Variants in DPYD observed in about 807,000 individuals in gnomAD.
The protein encoded by DPYD is dihydropyrimidine dehydrogenase [NADP(+)].
Under a neutral mutation model 116.2 loss-of-function variants are expected in DPYD, and 109 were observed. That is an observed-to-expected ratio of 0.94 (90% CI 0.80 to 1.10). The LOEUF is 1.10. DPYD is among the 50% of genes least tolerant of loss of function. DPYD has a pLI of 0.00. For missense variants in DPYD, 1,302 were observed against 1,254.5 expected (o/e 1.04, Z -0.57); for synonymous variants, 440 against 432.0 (o/e 1.02, Z -0.23).
At chr1:97,080,484 G>A (rs867365168) in intron 22 of DPYD, among the ~76,000 whole-genome samples, 7 of 152,052 alleles carry the variant, frequency 4.6e-5, no homozygotes, top group African/African-American at 1.2e-4. Flanking sequence ...AATCATGATA[G>A]TTGCTTAATA....
chr1:97,761,278 C>T (rs1333720), intron 3 of DPYD, among the ~76,000 whole-genome samples: 148,524 of 152,212 alleles, frequency 0.98, 72,586 homozygotes, highest in Middle Eastern at 1. Context: ...CTGCCAATTA[C>T]AAGAAACAAA....
chr1:97,188,313 C>A (rs970877010), intron 20 of DPYD, among the ~76,000 whole-genome samples: 2 of 152,176 alleles, frequency 1.3e-5, no homozygotes, highest in Middle Eastern at 3.4e-3. Flanking sequence ...AGTAATTTGG[C>A]AGGTTTATTG....
chr1:97,374,380 T>G (rs1671479636), intron 15 of DPYD, among the ~76,000 whole-genome samples: 1 of 152,088 alleles, frequency 6.6e-6, no homozygotes, highest in South Asian at 2.1e-4. Flanking sequence ...TTAGAATTCG[T>G]GGGAAGTCTT....
At chr1:97,363,629 A>T (rs1041452879) in intron 16 of DPYD, among the ~76,000 whole-genome samples, 6 of 152,228 alleles carry the variant, frequency 3.9e-5, no homozygotes, top group African/African-American at 1.4e-4. Flanking sequence ...CCATAAAAAA[A>T]GGATGAGTTC....
At chr1:97,329,752 T>TA (rs10719278) in intron 16 of DPYD, among the ~76,000 whole-genome samples, 152 of 127,284 alleles carry the variant, frequency 1.2e-3, no homozygotes, top group Admixed American at 2.5e-3. Context: ...AACTCCATCT[T>TA]AAAAAAAAAA....
intron 6 of DPYD, among the ~76,000 whole-genome samples, chr1:97,698,039 A>G (rs1311854354): frequency 2.6e-5 from 4 of 152,038 alleles, no homozygotes; most frequent in Admixed American, 2.6e-4. Flanking sequence ...TGTGGTAAAT[A>G]CCATTAAAAT....
chr1:97,599,464 G>A (rs1655109667), intron 8 of DPYD, among the ~76,000 whole-genome samples: 1 of 151,992 alleles, frequency 6.6e-6, no homozygotes, highest in Admixed American at 6.6e-5. Flanking sequence ...TCATAGCTAT[G>A]GTAGGGCATG....
At chr1:97,638,319 A>G (rs572362490) in intron 8 of DPYD, among the ~76,000 whole-genome samples, 6 of 152,256 alleles carry the variant, frequency 3.9e-5, no homozygotes, top group East Asian at 3.9e-4. Context: ...TTATTTCCAC[A>G]GAGAACTATG....
chr1:97,565,192 C>A (rs1182101267), intron 11 of DPYD, among the ~76,000 whole-genome samples: 1 of 151,982 alleles, frequency 6.6e-6, no homozygotes, highest in Non-Finnish European at 1.5e-5. Flanking sequence ...ATTCAGGTCA[C>A]CAAATGTTAG....
intron 14 of DPYD, among the ~76,000 whole-genome samples, chr1:97,388,464 T>C (rs1157937216): frequency 6.6e-6 from 1 of 152,072 alleles, no homozygotes; most frequent in Non-Finnish European, 1.5e-5. Flanking sequence ...GCCCTAGGAC[T>C]GACCTGGGGG....
intron 1 of DPYD, among the ~76,000 whole-genome samples, chr1:97,884,107 G>T (rs926124929): frequency 2.6e-5 from 4 of 151,958 alleles, no homozygotes; most frequent in Admixed American, 1.3e-4. Context: ...TTAAAATGTT[G>T]CATGGCTCTC....
At chr1:97,741,725 T>C (rs1557925088) in intron 3 of DPYD, among the ~76,000 whole-genome samples, 1 of 152,146 alleles carries the variant, frequency 6.6e-6, no homozygotes, top group African/African-American at 2.4e-5. Context: ...CCTGCCATCA[T>C]AGAACATGCA....
chr1:97,177,298 T>C (rs1657348913), intron 20 of DPYD, among the ~76,000 whole-genome samples: 2 of 152,068 alleles, frequency 1.3e-5, no homozygotes, highest in South Asian at 4.1e-4. Flanking sequence ...ACATTTCAAG[T>C]ATGAAGGAGT....
intron 3 of DPYD, among the ~76,000 whole-genome samples, chr1:97,791,199 T>C (rs916301601): frequency 2.0e-5 from 3 of 152,206 alleles, no homozygotes; most frequent in South Asian, 4.1e-4. Flanking sequence ...GTGGGATGTA[T>C]TGTATTTCCG....
At chr1:97,848,062 GAAA>G (rs949911818) in intron 2 of DPYD, among the ~76,000 whole-genome samples, 8 of 152,194 alleles carry the variant, frequency 5.3e-5, no homozygotes, top group Admixed American at 2.6e-4. Flanking sequence ...CAATGTTAAT[GAAA>G]ATTGTTATAC....
At chr1:97,883,930 C>A (rs1490374915) in intron 1 of DPYD, 17 of 418,550 alleles carry the variant, frequency 4.1e-5, no homozygotes, top group African/African-American at 1.5e-4. Context: ...TTTGGTTTTC[C>A]AAAAAAAAGT....
rs1222360010 is a variant in DPYD at position 97,549,643 on chromosome 1, C to G, written c.1441G>C (p.Asp481His). The G allele has an allele frequency of 4.3e-6, 7 of 1,613,794 alleles. No individual in the cohort carries two copies. Among genetic ancestry groups the G allele is most frequent in the Non-Finnish European group, 5.9e-6 (7 of 1,179,894 alleles). Residue 481 changes from aspartate to histidine, a missense_variant, in exon 12 of 23, where the codon GAT becomes CAT. Physicochemically the swap from Asp to His is moderately conservative, Grantham distance 81. Coordinates refer to ENST00000370192, the MANE Select transcript of DPYD (RefSeq NM_000110.4). Reference protein sequence around the residue: ...TSEAWVFAGGDVVGLANTTVE... With the variant: ...TSEAWVFAGGHVVGLANTTVE... ...GTAGTGTTAGCCAAACCAACGACAT[C>G]ACCACCTGCAAATACCCATGCTTCA...
intron 3 of DPYD, among the ~76,000 whole-genome samples, chr1:97,780,537 T>A (rs975310240): frequency 6.6e-6 from 1 of 152,210 alleles, no homozygotes; most frequent in Non-Finnish European, 1.5e-5. Flanking sequence ...TAAAAGCTAG[T>A]GCCACGTTTA....
intron 12 of DPYD, among the ~76,000 whole-genome samples, chr1:97,541,901 C>T (rs960529450): frequency 3.3e-5 from 5 of 152,162 alleles, no homozygotes; most frequent in South Asian, 4.2e-4. Context: ...AATAAATATG[C>T]CTGGACTCCA....
Sources: gnomAD v4.1 joint callset for allele counts (sites outside exome capture counted in the v4.1 genomes callset) on GRCh38, gnomAD v4.1.1 for gene constraint, MANE v1.5 for transcripts, NCBI Gene and HGNC (gene_info 2026-07-23, HGNC 2026-07-21) for gene names.